Variants in UTP4 observed in about 807,000 individuals in gnomAD.
UTP4 encodes the protein UTP4 small subunit processome component, also known as U3 small nucleolar RNA-associated protein 4 homolog.
Under a neutral mutation model 82.4 loss-of-function variants are expected in UTP4, and 45 were observed. That is an observed-to-expected ratio of 0.55 (90% confidence interval 0.43 to 0.70). The LOEUF is 0.70. Among genes scored for constraint, UTP4 ranks in the 30% least tolerant of loss-of-function variants. The pLI, the probability that UTP4 is intolerant of heterozygous loss-of-function variation, is 0.00. For synonymous variants in UTP4, 348 were observed against 300.3 expected, an observed-to-expected ratio of 1.16 and a Z score of -1.64; for missense variants, 819 against 858.3, an observed-to-expected ratio of 0.95 and a Z score of 0.57.
intron 12 of UTP4, among the ~76,000 whole-genome samples, chr16:69,158,110 T>G (rs1963467614): frequency 6.7e-6 from 1 of 149,576 alleles, no homozygotes; most frequent in Non-Finnish European, 1.5e-5. Flanking sequence ...TCCTGGATTT[T>G]AGCTGCTGCT....
intron 14 of UTP4, among the ~76,000 whole-genome samples, chr16:69,163,879 A>C (rs1015777292): frequency 7.3e-4 from 98 of 134,532 alleles, no homozygotes; most frequent in African/African-American, 2.8e-3. Context: ...TTTGATGGTC[A>C]GTTTGTTTTT....
intron 12 of UTP4, among the ~76,000 whole-genome samples, chr16:69,157,907 T>C (rs1157806930): frequency 6.7e-6 from 1 of 150,310 alleles, no homozygotes; most frequent in Non-Finnish European, 1.5e-5. Context: ...AGTATTCTTA[T>C]ACATACAGTT....
At chr16:69,149,306 G>A (rs544839536) in intron 6 of UTP4, among the ~76,000 whole-genome samples, 1 of 152,310 alleles carries the variant, frequency 6.6e-6, no homozygotes, top group East Asian at 1.9e-4. Flanking sequence ...CTTGAACCAA[G>A]GAGGCAGGGG....
At chr16:69,167,516 G>A in intron 16 of UTP4, 1 of 316,222 alleles carries the variant, frequency 3.2e-6, no homozygotes. Context: ...ATGTCAAGCA[G>A]GCTGGGCTTG....
At chr16:69,133,413 C>T (rs376682557) in intron 1 of UTP4, 45 bp from the exon 2 acceptor site, 235 of 1,578,476 alleles carry the variant, frequency 1.5e-4, no homozygotes, top group Middle Eastern at 3.3e-4. Flanking sequence ...ATGTGACATA[C>T]TGCAGTTAAC....
Position 69,137,797 on chromosome 16 carries a change from A to G in UTP4, c.352-4A>G, listed in dbSNP as rs772044972. 4 of 1,588,158 alleles carry G rather than the reference A, an allele frequency of 2.5e-6. No individual in the cohort carries two copies. The highest frequency in any genetic ancestry group is 1.7e-4 in the Middle Eastern group (1 of 6,048). On this transcript the variant is annotated splice_polypyrimidine_tract_variant and splice_region_variant and intron_variant, in intron 3 of 16. Transcript: ENST00000314423. ...TTTCTGTTTACTACCTCTTTCTCAA[A>G]TAGGTTGGTTGTGAAGATGGATCTG... is the stretch of plus-strand genomic sequence containing the variant.
At chr16:69,148,806 A>G (rs1363003840) in intron 6 of UTP4, among the ~76,000 whole-genome samples, 5 of 151,944 alleles carry the variant, frequency 3.3e-5, no homozygotes, top group African/African-American at 4.8e-5. Context: ...CAGTCTCACT[A>G]TGTTGCCCAG....
Position 69,163,168 on chromosome 16 carries a change from C to A in UTP4, c.1637C>A (p.Ser546Ter), listed in dbSNP as rs769827893. 6.2e-7 allele frequency: 1 copy of A among 1,612,442 alleles called. No individual in the cohort carries two copies. Among genetic ancestry groups the A allele is most frequent in the Non-Finnish European group, 8.5e-7 (1 of 1,178,472 alleles). ...ACCAACAACCTTGTCATCGCTCATT[C>A]GGACCAGCAGGTAAGGGAGATTCCA... is the stretch of plus-strand genomic sequence containing the variant. Reference protein sequence around the residue: ...PNTNNLVIAHSDQQVFEYSIP... With the variant: ...PNTNNLVIAH Residue 546 changes from serine (S) to a stop codon, truncating the protein, a stop_gained, in exon 14 of 17, where the codon TCG becomes TAG. Coordinates refer to ENST00000314423, the MANE Select transcript of UTP4 (RefSeq NM_032830.3). LOFTEE classifies it high-confidence loss of function.
Position 69,163,555 on chromosome 16 carries a change from A to G in UTP4, c.1647+377A>G, listed in dbSNP as rs1467580950. Among the ~76,000 whole-genome samples, 3 of 152,208 alleles carry G rather than the reference A, an allele frequency of 2.0e-5. No individual in the cohort carries two copies. The South Asian group carries it at 6.2e-4, about 32-fold the overall frequency. On this transcript the variant is annotated intron_variant, in intron 14 of 16. Transcript: ENST00000314423. Reference sequence around the variant, plus strand: ...AAGTGACTAAAAGATTGTATCATTCACCTTTACGCTTGCCGATGAGGAAAT... The same window carrying G: ...AAGTGACTAAAAGATTGTATCATTCGCCTTTACGCTTGCCGATGAGGAAAT...
chr16:69,135,356 C>G (rs534356524), intron 2 of UTP4, among the ~76,000 whole-genome samples: 1 of 152,222 alleles, frequency 6.6e-6, no homozygotes, highest in South Asian at 2.1e-4. Flanking sequence ...TATTCCCTTT[C>G]CTACTAGATA....
At chr16:69,136,260 GGCTCAC>G (rs2152276465) in intron 2 of UTP4, among the ~76,000 whole-genome samples, 1 of 152,272 alleles carries the variant, frequency 6.6e-6, no homozygotes. Context: ...TGGGTGCAGT[GGCTCAC>G]GCCTATAATC....
chr16:69,168,564 C>T (rs1433642606), intron 16 of UTP4, among the ~76,000 whole-genome samples: 6 of 151,720 alleles, frequency 4.0e-5, no homozygotes, highest in Non-Finnish European at 7.4e-5. Context: ...CTTCAGTGCA[C>T]GTTGATCATG....
intron 13 of UTP4, among the ~76,000 whole-genome samples, chr16:69,161,485 G>A (rs1404699608): frequency 1.3e-5 from 2 of 152,186 alleles, no homozygotes; most frequent in Non-Finnish European, 2.9e-5. Flanking sequence ...GCGTGCACAT[G>A]CTTTGCAATT....
intron 9 of UTP4, among the ~76,000 whole-genome samples, chr16:69,154,012 G>C (rs1298327656): frequency 6.6e-6 from 1 of 152,140 alleles, no homozygotes; most frequent in East Asian, 1.9e-4. Flanking sequence ...GATGGGTAAT[G>C]ATAATCCTGT....
At chr16:69,138,120 A>G (rs1158958453) in intron 4 of UTP4, 2 of 530,890 alleles carry the variant, frequency 3.8e-6, no homozygotes, top group Non-Finnish European at 6.7e-6. Context: ...TTGGAAAGCT[A>G]GTGTTTCTGT....
In UTP4 at chr16:69,143,375, A is replaced by G; in HGVS notation, c.724A>G (p.Ile242Val). The change falls in exon 6 of 17, where the codon ATT becomes GTT. Residue 242 changes from isoleucine to valine, a missense_variant. Ile to Val is a conservative substitution (Grantham distance 29). Transcript: ENST00000314423. Reference sequence around the variant, plus strand: ...CATCGCTAATGCTGACGTGCAGTCCATTGCTGTAGCTGACGTGAGTACAGT... The same window carrying G: ...CATCGCTAATGCTGACGTGCAGTCCGTTGCTGTAGCTGACGTGAGTACAGT... Reference protein sequence around the residue: ...HLIANADVQSIAVADQEDSFV... With the variant: ...HLIANADVQSVAVADQEDSFV... The G allele has an allele frequency of 1.9e-6, 3 of 1,614,074 alleles. No homozygotes were observed. Among genetic ancestry groups the G allele is most frequent in the Non-Finnish European group, 2.5e-6 (3 of 1,179,982 alleles).
intron 2 of UTP4, among the ~76,000 whole-genome samples, chr16:69,135,337 C>T (rs1962783969): frequency 6.6e-6 from 1 of 152,114 alleles, no homozygotes; most frequent in South Asian, 2.1e-4. Context: ...TGGTTTCCTG[C>T]TTTCCCTATA....
intron 4 of UTP4, 183 bp downstream of exon 4, chr16:69,138,068 C>T: frequency 5.1e-6 from 3 of 587,504 alleles, no homozygotes; most frequent in Non-Finnish European, 6.0e-6. Context: ...ATAGTTGTGA[C>T]TGCTTGGTTA....
chr16:69,150,271 A>G (rs1397662191), intron 6 of UTP4, among the ~76,000 whole-genome samples: 1 of 152,114 alleles, frequency 6.6e-6, no homozygotes, highest in Non-Finnish European at 1.5e-5. Context: ...TCTCAATGCT[A>G]TTCTAAGGAG....
Sources: allele counts gnomAD v4.1 joint callset (sites outside exome capture counted in the v4.1 genomes callset), GRCh38; gene constraint gnomAD v4.1.1; transcripts MANE v1.5; gene names NCBI Gene and HGNC (gene_info 2026-07-23, HGNC 2026-07-21).